The following TMEM91 variants were observed in gnomAD, a reference collection of about 807,000 sequenced individuals.
The protein encoded by TMEM91 is dispanin subfamily C member 3.
In TMEM91, 6 loss-of-function variants were observed where a neutral mutation model predicts 13.3. The ratio of observed to expected loss-of-function variants is 0.45; its 90% confidence interval spans 0.25 to 0.89. The LOEUF (loss-of-function observed/expected upper bound fraction) is 0.89, where lower values mean the gene tolerates loss of function less well. Among genes scored for constraint, TMEM91 ranks in the 40% least tolerant of loss-of-function variants. The probability of loss-of-function intolerance (pLI) is 0.19; values close to 1 mark genes in which losing one functional copy is unlikely to be tolerated. For synonymous variants in TMEM91, 87 were observed against 101.7 expected (o/e 0.86, Z 0.87); for missense variants, 193 against 228.7 (o/e 0.84, Z 1.01).
At chr19:41,372,716 A>G (rs1029911013), upstream of TMEM91, among the ~76,000 whole-genome samples, 4 of 152,120 alleles carry the variant, frequency 2.6e-5, no homozygotes, top group Admixed American at 2.6e-4. Flanking sequence ...ACTAAGGTCA[A>G]TTTGTCCTGT....
At chr19:41,378,122 A>G (rs2038770751) in intron 1 of TMEM91, among the ~76,000 whole-genome samples, 159 bp from the exon 2 acceptor site, 1 of 151,952 alleles carries the variant, frequency 6.6e-6, no homozygotes, top group Non-Finnish European at 1.5e-5. Context: ...CCTGAGGCCA[A>G]TCTTTTTTTC....
At chr19:41,383,506 A>G in intron 3 of TMEM91, 1 of 1,441,844 alleles carries the variant, frequency 6.9e-7, no homozygotes, top group East Asian at 2.6e-5. Flanking sequence ...TTATTTTTTA[A>G]AATTTATTAT....
chr19:41,364,393 C>T (rs974813575), intron 1 of TMEM91, among the ~76,000 whole-genome samples: 9 of 152,020 alleles, frequency 5.9e-5, no homozygotes, highest in African/African-American at 2.2e-4. Context: ...ACCTTCTTTA[C>T]CAAAAAAGCA....
upstream of TMEM91, among the ~76,000 whole-genome samples, chr19:41,373,655 G>T (rs1034845352): frequency 7.3e-6 from 1 of 136,560 alleles, no homozygotes; most frequent in African/African-American, 2.8e-5. Flanking sequence ...AGGCCAAGGC[G>T]GGCAGATCAC....
chr19:41,378,755 G>A (rs1051731141), intron 2 of TMEM91, among the ~76,000 whole-genome samples: 4 of 151,928 alleles, frequency 2.6e-5, no homozygotes, highest in South Asian at 2.1e-4. Flanking sequence ...TCCGCTGGTT[G>A]GTGTCTTCAG....
chr19:41,381,683 A>T (rs1262540624), intron 2 of TMEM91, among the ~76,000 whole-genome samples: 3 of 150,626 alleles, frequency 2.0e-5, no homozygotes, highest in Non-Finnish European at 3.0e-5. Context: ...CTAATTTTAA[A>T]TTTTTTTTTG....
intron 2 of TMEM91, 29 bp from the exon 3 acceptor site, chr19:41,382,743 T>C (rs1898962724): frequency 3.1e-6 from 5 of 1,604,252 alleles, no homozygotes; most frequent in Non-Finnish European, 4.3e-6. Flanking sequence ...TGGATGGAGA[T>C]GCCCACCTGG....
chr19:41,379,740 CGGTTTCTGTT>C (rs1463249503), intron 2 of TMEM91, among the ~76,000 whole-genome samples: 3 of 152,060 alleles, frequency 2.0e-5, no homozygotes, highest in South Asian at 2.1e-4. Context: ...TGAACTCTTA[CGGTTTCTGTT>C]GGTCAGGAAT....
At chr19:41,378,058 G>A (rs995622033) in intron 1 of TMEM91, among the ~76,000 whole-genome samples, 10 of 148,778 alleles carry the variant, frequency 6.7e-5, no homozygotes, top group Middle Eastern at 3.5e-3. Context: ...AAAAAAGAGA[G>A]AGAGAGAGAA....
At chr19:41,376,376 G>C (rs1411011898), upstream of TMEM91, 1 of 152,218 alleles carries the variant, frequency 6.6e-6, no homozygotes, top group Non-Finnish European at 1.5e-5. Context: ...TTGTGCTGAG[G>C]AATACATGTG....
chr19:41,372,926 A>G (rs2038647106), upstream of TMEM91, among the ~76,000 whole-genome samples: 1 of 100,732 alleles, frequency 9.9e-6, no homozygotes, highest in Non-Finnish European at 2.2e-5. Context: ...GAATCTCGTG[A>G]TCTTTTGTTT....
In TMEM91 at chr19:41,368,433, GT is replaced by G. The variant is rs373870467; in HGVS notation, c.-30+4339del. On this transcript the variant is annotated intron_variant, in intron 1 of 3. Coordinates refer to the TMEM91 transcript ENST00000413014. ...ACCTGTCACCTTTTTTTTGGGGGGGGTGGTTATTGGGTTTTTTTGAGACAGA... is the reference window on the plus strand; with the variant it reads ...ACCTGTCACCTTTTTTTTGGGGGGGGGGTTATTGGGTTTTTTTGAGACAGA... 7.7e-3 allele frequency among the ~76,000 whole-genome samples: 1,049 copies of G among 136,598 alleles called. 21 individuals carry two copies. Among genetic ancestry groups the G allele is most frequent in the African/African-American group, 0.031 (960 of 30,914 alleles). 89.6% of individuals were successfully genotyped at this position (136,598 alleles called of 152,430 possible).
upstream of TMEM91, among the ~76,000 whole-genome samples, chr19:41,371,679 A>G (rs2038626457): frequency 6.6e-6 from 1 of 151,948 alleles, no homozygotes; most frequent in South Asian, 2.1e-4. Context: ...CAGCCTCCCA[A>G]AGTGCTGAGA....
At chr19:41,370,202 C>T (rs900852677) in intron 1 of TMEM91, among the ~76,000 whole-genome samples, 2 of 151,884 alleles carry the variant, frequency 1.3e-5, no homozygotes, top group Non-Finnish European at 2.9e-5. Flanking sequence ...CTCAGCCTCC[C>T]GAGTAACTGG....
intron 1 of TMEM91, among the ~76,000 whole-genome samples, chr19:41,370,471 G>A (rs865879177): frequency 2.6e-5 from 4 of 151,276 alleles, no homozygotes; most frequent in Middle Eastern, 3.4e-3. Context: ...CAGTGGCACC[G>A]TGTCAGCTCA....
intron 3 of TMEM91, chr19:41,383,509 T>TTTA (rs939859648): frequency 3.5e-6 from 5 of 1,441,102 alleles, no homozygotes; most frequent in South Asian, 1.6e-5. Context: ...TTTTTTAAAA[T>TTTA]TTATTATTAT....
chr19:41,364,511 C>G (rs2038480747), intron 1 of TMEM91, among the ~76,000 whole-genome samples: 1 of 152,026 alleles, frequency 6.6e-6, no homozygotes, highest in African/African-American at 2.4e-5. Flanking sequence ...CTTCCAGGAC[C>G]TCGTGTACAT....
chr19:41,376,702 C>T lies in TMEM91; in HGVS notation c.-182C>T, dbSNP rs1004116149. ...CAGAGCCTGGGAAGCCGTCGCCCCG[C>T]CCCGTCCCCGCCCCCGCGCGCAGCG... is the stretch of plus-strand genomic sequence containing the variant. On this transcript the variant is annotated 5_prime_UTR_variant, in exon 1 of 4. Transcript: ENST00000392002. 5.9e-5 allele frequency: 9 copies of T among 152,236 alleles called. No homozygotes were observed. Among genetic ancestry groups the T allele is most frequent in the African/African-American group, 1.7e-4 (7 of 41,456 alleles). The allele number at this position is 152,236 out of a possible 1,614,324, so 9.4% of individuals were successfully genotyped here.
intron 1 of TMEM91, among the ~76,000 whole-genome samples, chr19:41,366,796 A>G (rs1368606961): frequency 6.6e-6 from 1 of 152,082 alleles, no homozygotes; most frequent in East Asian, 1.9e-4. Context: ...TATACATGTT[A>G]AATAAAAGAA....
Sources: allele counts gnomAD v4.1 joint callset (sites outside exome capture counted in the v4.1 genomes callset), GRCh38; gene constraint gnomAD v4.1.1; transcripts MANE v1.5; gene names NCBI Gene and HGNC (gene_info 2026-07-23, HGNC 2026-07-21).